ZNF670: variants seen among roughly 807,000 people sequenced by gnomAD.
The protein encoded by ZNF670 is zinc finger protein 670.
In ZNF670, 7 loss-of-function variants were observed where a neutral mutation model predicts 10.9. That is an observed-to-expected ratio of 0.64 (90% confidence interval 0.36 to 1.20). The LOEUF (loss-of-function observed/expected upper bound fraction) is 1.20, where lower values mean the gene tolerates loss of function less well. Ranked by LOEUF, ZNF670 falls within the 50% of genes most tolerant of loss-of-function variation. The pLI, the probability that ZNF670 is intolerant of heterozygous loss-of-function variation, is 0.02. For missense variants in ZNF670, 446 were observed against 458.6 expected (o/e 0.97, Z 0.25); for synonymous variants, 136 against 152.7 (o/e 0.89, Z 0.81).
chr1:247,043,036 G>A (rs1670355127), intron 1 of ZNF670: 3 of 935,818 alleles, frequency 3.2e-6, no homozygotes, highest in Non-Finnish European at 5.2e-6. Context: ...TATAGGTGCA[G>A]TATATTCCCA....
At chr1:247,050,484 T>A (rs1670565575) in intron 1 of ZNF670, among the ~76,000 whole-genome samples, 1 of 151,198 alleles carries the variant, frequency 6.6e-6, no homozygotes, top group South Asian at 2.1e-4. Context: ...TTTCTTCTTT[T>A]TTTTTTTTTG....
chr1:247,070,238 G>A lies in ZNF670; in HGVS notation c.3+8356C>T, dbSNP rs539998670. On this transcript the variant is annotated intron_variant, in intron 1 of 3. Transcript: ENST00000366503. Reference sequence around the variant, plus strand: ...TGTAATCCCAGCACTTTGGGAGGCCGAGGTGGGCAGATCACGAGGTCAGGA... The same window carrying A: ...TGTAATCCCAGCACTTTGGGAGGCCAAGGTGGGCAGATCACGAGGTCAGGA... Among the ~76,000 whole-genome samples, 158 of 152,210 alleles carry A rather than the reference G, an allele frequency of 1.0e-3. 1 individual carries two copies. The highest frequency in any genetic ancestry group is 3.2e-3 in the African/African-American group (132 of 41,546).
At chr1:247,047,325 C>A (rs1670474406) in intron 1 of ZNF670, among the ~76,000 whole-genome samples, 1 of 152,156 alleles carries the variant, frequency 6.6e-6, no homozygotes, top group Non-Finnish European at 1.5e-5. Context: ...AAACTTCTGC[C>A]TAGACATCCG....
chr1:247,058,937 G>A (rs771338074), intron 1 of ZNF670, among the ~76,000 whole-genome samples: 52 of 152,184 alleles, frequency 3.4e-4, no homozygotes, highest in Middle Eastern at 6.8e-3. Context: ...TCACACTAGT[G>A]AATTCCACCA....
At chr1:247,038,518 CT>C in intron 3 of ZNF670, 91 bp from the exon 4 acceptor site, 1 of 1,343,082 alleles carries the variant, frequency 7.4e-7, no homozygotes, top group Non-Finnish European at 1.0e-6. Flanking sequence ...CCTGCCATAT[CT>C]AAATTGTTTT....
chr1:247,064,838 T>C (rs1401861847), intron 1 of ZNF670, among the ~76,000 whole-genome samples: 2 of 152,184 alleles, frequency 1.3e-5, no homozygotes, highest in Non-Finnish European at 2.9e-5. Context: ...TGGGTCTCAC[T>C]CTGTCACCCA....
intron 1 of ZNF670, among the ~76,000 whole-genome samples, chr1:247,049,775 A>C (rs1670548674): frequency 6.6e-6 from 1 of 152,194 alleles, no homozygotes; most frequent in Admixed American, 6.5e-5. Flanking sequence ...TTCATTGTTG[A>C]CCCAACAGTC....
In ZNF670 at chr1:247,037,654, C is replaced by T; in HGVS notation, c.965G>A (p.Ser322Asn). The T allele has an allele frequency of 6.2e-7, 1 of 1,613,984 alleles. No individual in the cohort carries two copies. The highest frequency in any genetic ancestry group is 8.5e-7 in the Non-Finnish European group (1 of 1,179,972). The change falls in exon 4 of 4, where the codon AGT becomes AAT. Residue 322 changes from serine to asparagine, a missense_variant. Transcript: ENST00000366503. ...KQCGKAFKYS[S>N]NLCEHERTHT... is the part of the protein sequence containing the mutation. ...AGTTCTTTCATGCTCACATAGGTTA[C>T]TAGAATATTTGAAGGCTTTACCACA... is the stretch of plus-strand genomic sequence containing the variant.
chr1:247,052,541 T>G (rs567780966), intron 1 of ZNF670, among the ~76,000 whole-genome samples: 12 of 151,464 alleles, frequency 7.9e-5, no homozygotes, highest in African/African-American at 1.9e-4. Context: ...GTTTTTTGGG[T>G]TTTTTTTTCG....
chr1:247,055,136 T>C (rs1007727973), intron 1 of ZNF670, among the ~76,000 whole-genome samples: 5 of 152,226 alleles, frequency 3.3e-5, no homozygotes, highest in African/African-American at 1.2e-4. Context: ...CCAGCTACAC[T>C]GATAAGGGAA....
At chr1:247,042,771 T>G in intron 1 of ZNF670, 1 of 457,156 alleles carries the variant, frequency 2.2e-6, no homozygotes, top group South Asian at 2.5e-5. Flanking sequence ...TCAAGCTTCC[T>G]AGGTTGAGTT....
rs1670151735 is a variant in ZNF670 at position 247,036,423 on chromosome 1, CAGG to C, written c.*1023_*1025del. Among the ~76,000 whole-genome samples, 1 of 152,150 alleles carries C rather than the reference CAGG, an allele frequency of 6.6e-6. No individual in the cohort carries two copies. The highest frequency in any genetic ancestry group is 2.4e-5 in the African/African-American group (1 of 41,426). On this transcript the variant is annotated 3_prime_UTR_variant, in exon 4 of 4. Coordinates refer to ENST00000366503, the MANE Select transcript of ZNF670 (RefSeq NM_033213.5). ...ACCCCAACATGTAGACAGGCTGAGG[CAGG>C]AGGATAGCTTGAGGCCAGGAATTCA...
At chr1:247,048,073 T>C (rs1454919327) in intron 1 of ZNF670, among the ~76,000 whole-genome samples, 1 of 152,240 alleles carries the variant, frequency 6.6e-6, no homozygotes, top group Non-Finnish European at 1.5e-5. Context: ...TTTTCTTTTC[T>C]ATCACATCAT....
At chr1:247,068,493 CAA>C (rs1671044400) in intron 1 of ZNF670, among the ~76,000 whole-genome samples, 1 of 150,076 alleles carries the variant, frequency 6.7e-6, no homozygotes, top group South Asian at 2.1e-4. Flanking sequence ...GGCTTAAATC[CAA>C]AAGACAGGCA....
intron 1 of ZNF670, among the ~76,000 whole-genome samples, chr1:247,072,185 A>G (rs1014106988): frequency 2.0e-5 from 3 of 146,594 alleles, no homozygotes; most frequent in African/African-American, 5.1e-5. Context: ...GCGTCTCACT[A>G]TGTTGCCCAG....
intron 1 of ZNF670, among the ~76,000 whole-genome samples, chr1:247,075,715 T>TC (rs1451960608): frequency 6.6e-6 from 1 of 152,236 alleles, no homozygotes; most frequent in Non-Finnish European, 1.5e-5. Flanking sequence ...TTGTCAGGCT[T>TC]CCCCAGCCAT....
intron 1 of ZNF670, among the ~76,000 whole-genome samples, chr1:247,040,407 C>T (rs537196208): frequency 2.0e-5 from 3 of 152,192 alleles, no homozygotes; most frequent in Non-Finnish European, 4.4e-5. Context: ...TTAGAAGAAA[C>T]TCAATGTCAT....
At position 247,037,780 on chromosome 1, in the gene ZNF670, G is replaced by A. The variant is rs949891831; in HGVS notation, c.839C>T (p.Pro280Leu). The change falls in exon 4 of 4, where the codon CCC (proline) becomes CTC (leucine). Residue 280 changes from proline (P) to leucine (L), a missense_variant. By Grantham distance (98) the Pro-to-Leu change is moderately conservative. Transcript: ENST00000366503. ...TTTGCCACATTTTATACATTCATAG[G>A]GTTTTTCTCCAGTATGCGTTCTTTC... ...IHERTHTGEK[P>L]YECIKCGKAF... 9.3e-6 allele frequency: 15 copies of A among 1,613,816 alleles called. No individual in the cohort carries two copies. In the African/African-American group the frequency reaches 2.0e-4, roughly 22 times the overall value.
At chr1:247,054,198 T>C (rs1236387832) in intron 1 of ZNF670, among the ~76,000 whole-genome samples, 1 of 152,198 alleles carries the variant, frequency 6.6e-6, no homozygotes, top group African/African-American at 2.4e-5. Flanking sequence ...CACCAGGGGC[T>C]AAAGTGCTCT....
Sources: allele counts gnomAD v4.1 joint callset (sites outside exome capture counted in the v4.1 genomes callset), GRCh38; gene constraint gnomAD v4.1.1; transcripts MANE v1.5; gene names NCBI Gene and HGNC (gene_info 2026-07-23, HGNC 2026-07-21).